Variants in CTBP2 observed in about 807,000 individuals in gnomAD.
The protein encoded by CTBP2 is C-terminal binding protein 2.
Under a neutral mutation model 80.3 loss-of-function variants are expected in CTBP2, and 30 were observed. That is an observed-to-expected ratio of 0.37 (90% CI 0.28 to 0.51). CTBP2 has a LOEUF of 0.51. Ranked by LOEUF, CTBP2 falls within the 20% of genes least tolerant of loss-of-function variation. CTBP2 has a pLI of 0.93. For missense variants in CTBP2, 1,212 were observed against 1,375.3 expected (o/e 0.88, Z 1.88); for synonymous variants, 594 against 587.4 (o/e 1.01, Z -0.16).
intron 2 of CTBP2, among the ~76,000 whole-genome samples, chr10:125,087,383 C>T (rs779897402): frequency 3.3e-5 from 5 of 152,098 alleles, no homozygotes; most frequent in Non-Finnish European, 5.9e-5. Flanking sequence ...AGGGACATTA[C>T]TTCTTAAGTA....
intron 1 of CTBP2, among the ~76,000 whole-genome samples, chr10:125,012,885 A>C (rs1186489161): frequency 1.3e-5 from 2 of 152,004 alleles, no homozygotes; most frequent in African/African-American, 2.4e-5. Context: ...CGGCCAAAAG[A>C]AGCACAAACC....
rs189153033 is a variant in CTBP2 at position 125,088,954 on chromosome 10, A to T, written c.-102+22036T>A. On this transcript the variant is annotated intron_variant, in intron 2 of 10. Coordinates refer to the CTBP2 transcript ENST00000337195. ...GATAAATACCAAACAGAACCATTTCACTTTCTTCATGCATCACGTGTGTCT... is the reference window on the plus strand; with the variant it reads ...GATAAATACCAAACAGAACCATTTCTCTTTCTTCATGCATCACGTGTGTCT... 2.0e-4 allele frequency among the ~76,000 whole-genome samples: 30 copies of T among 152,300 alleles called. No individual in the cohort carries two copies. The East Asian group carries it at 4.4e-3, about 23-fold the overall frequency.
intron 2 of CTBP2, among the ~76,000 whole-genome samples, chr10:125,091,075 A>G (rs187070383): frequency 6.6e-6 from 1 of 152,338 alleles, no homozygotes; most frequent in East Asian, 1.9e-4. Flanking sequence ...AGACAATTGA[A>G]AAAACAAAGG....
chr10:125,119,653 A>T (rs906833322), intron 1 of CTBP2, among the ~76,000 whole-genome samples: 2 of 152,268 alleles, frequency 1.3e-5, no homozygotes, highest in African/African-American at 4.8e-5. Flanking sequence ...GTATATACGT[A>T]TATGCATAAG....
chr10:125,133,695 GCTAGT>G (rs1241391641), intron 1 of CTBP2: 2 of 152,200 alleles, frequency 1.3e-5, no homozygotes, highest in Admixed American at 6.5e-5. Flanking sequence ...CTTTAAAGAG[GCTAGT>G]CTAGTCTTTT....
chr10:125,131,054 G>A (rs557981277), intron 1 of CTBP2, among the ~76,000 whole-genome samples: 23 of 152,190 alleles, frequency 1.5e-4, no homozygotes, highest in Non-Finnish European at 2.9e-4. Context: ...AGAGGGAGAC[G>A]CAAGTCTGAC....
At chr10:125,043,990 TTC>T (rs753889585) in intron 2 of CTBP2, among the ~76,000 whole-genome samples, 65 of 152,340 alleles carry the variant, frequency 4.3e-4, no homozygotes, top group Non-Finnish European at 8.8e-4. Context: ...CCTGCCAAAG[TTC>T]TCTGAGTGTG....
intron 1 of CTBP2, chr10:125,133,430 A>G (rs1459761610): frequency 6.6e-6 from 1 of 152,188 alleles, no homozygotes; most frequent in African/African-American, 2.4e-5. Flanking sequence ...CTCAGCAAAG[A>G]GTTTCACAAA....
chr10:125,059,782 A>C (rs1590408722), intron 2 of CTBP2, among the ~76,000 whole-genome samples: 11 of 144,966 alleles, frequency 7.6e-5, no homozygotes, highest in South Asian at 2.2e-4. Flanking sequence ...CTGCCCGCCC[A>C]CCCCCACCAG....
intron 1 of CTBP2, among the ~76,000 whole-genome samples, chr10:125,125,655 T>TA (rs896983093): frequency 5.4e-4 from 83 of 152,314 alleles, no homozygotes; most frequent in African/African-American, 2.0e-3. Context: ...TCAACAGTGA[T>TA]AGAGTGAATG....
chr10:125,026,417 G>C lies in CTBP2; in HGVS notation c.1343C>G (p.Thr448Arg), dbSNP rs1250024288. ...GGGGTACGTGGGGCTCAGACGCGCTGTCAGGGCGCAAGGGGTGGGAGAGCT... is the reference window on the plus strand; with the variant it reads ...GGGGTACGTGGGGCTCAGACGCGCTCTCAGGGCGCAAGGGGTGGGAGAGCT... The change falls in exon 1 of 9, where the codon ACA (threonine) becomes AGA (arginine). Residue 448 changes from threonine (T) to arginine (R), a missense_variant. Around this residue, in one of 3 missense-constraint regions of CTBP2, gnomAD observed 848 missense variants for 782.3 expected, o/e 1.08. Transcript: ENST00000309035. 3.7e-6 allele frequency: 6 copies of C among 1,606,610 alleles called. No individual in the cohort carries two copies. The highest frequency in any genetic ancestry group is 2.2e-5 in the South Asian group (2 of 90,746).
chr10:125,015,644 C>G (rs544214371), intron 1 of CTBP2, among the ~76,000 whole-genome samples: 1 of 152,210 alleles, frequency 6.6e-6, no homozygotes, highest in African/African-American at 2.4e-5. Context: ...CAGTGCTCCC[C>G]GAAGCACTTC....
At chr10:125,021,213 G>C (rs755678630) in intron 1 of CTBP2, among the ~76,000 whole-genome samples, 1 of 152,182 alleles carries the variant, frequency 6.6e-6, no homozygotes, top group East Asian at 1.9e-4. Context: ...GCTGAGGCCA[G>C]GCAGCTCCAA....
At chr10:125,059,025 T>C (rs868643331) in intron 2 of CTBP2, among the ~76,000 whole-genome samples, 25 of 152,120 alleles carry the variant, frequency 1.6e-4, no homozygotes, top group Admixed American at 4.6e-4. Flanking sequence ...TCCTTACCAC[T>C]AGGATGGGCA....
At chr10:125,052,118 CG>C (rs536691250) in intron 2 of CTBP2, among the ~76,000 whole-genome samples, 3 of 152,342 alleles carry the variant, frequency 2.0e-5, no homozygotes, top group African/African-American at 7.2e-5. Flanking sequence ...TCGCACCTAT[CG>C]GTGGGGGTCT....
chr10:124,997,798 A>G (rs751647645), intron 4 of CTBP2, 166 bp downstream of exon 6: 1 of 658,132 alleles, frequency 1.5e-6, no homozygotes, highest in African/African-American at 1.8e-5. Context: ...GAGTTGCCTG[A>G]TGGGTCTTGA....
chr10:125,079,150 GAA>G (rs58370199), intron 2 of CTBP2, among the ~76,000 whole-genome samples: 29,143 of 101,008 alleles, frequency 0.29, 4,967 homozygotes, highest in African/African-American at 0.52. Flanking sequence ...TTGTCTCGAG[GAA>G]AAAAAAAAAA....
upstream of CTBP2, among the ~76,000 whole-genome samples, chr10:125,028,448 C>T (rs1163047895): frequency 6.6e-6 from 1 of 152,238 alleles, no homozygotes; most frequent in African/African-American, 2.4e-5. Flanking sequence ...AAAAGGTCCA[C>T]ACGTGATCCT....
intron 1 of CTBP2, among the ~76,000 whole-genome samples, chr10:125,120,409 C>A (rs776129462): frequency 2.6e-5 from 4 of 152,188 alleles, no homozygotes; most frequent in Non-Finnish European, 5.9e-5. Context: ...TTTTTTGAGA[C>A]GGAGTCTCAC....
Sources: allele counts gnomAD v4.1 joint callset (sites outside exome capture counted in the v4.1 genomes callset), GRCh38; gene constraint gnomAD v4.1.1; regional missense constraint gnomAD v4.1.1; transcripts MANE v1.5; gene names NCBI Gene and HGNC (gene_info 2026-07-23, HGNC 2026-07-21).